The following EIF2AK1 variants were observed in gnomAD, a reference collection of about 807,000 sequenced individuals.
EIF2AK1 encodes eukaryotic translation initiation factor 2-alpha kinase 1.
In EIF2AK1, 54 loss-of-function variants were observed where a neutral mutation model predicts 77.9. The ratio of observed to expected loss-of-function variants is 0.69; its 90% confidence interval spans 0.56 to 0.87. The LOEUF is 0.87. EIF2AK1 is among the 40% of genes least tolerant of loss of function. The probability of loss-of-function intolerance (pLI) is 0.00; values close to 1 mark genes in which losing one functional copy is unlikely to be tolerated. For synonymous variants in EIF2AK1, 314 were observed against 290.5 expected (o/e 1.08, Z -0.82); for missense variants, 810 against 768.6 (o/e 1.05, Z -0.64).
rs1459148213 is a variant in EIF2AK1 at position 6,023,711 on chromosome 7, A to C, written c.*962T>G. ...AAGTGAATTGCCGTAACTGATTTTA[A>C]AGGGTTTAGATTTTAAGAATGGTGC... On this transcript the variant is annotated 3_prime_UTR_variant, in exon 15 of 15. Coordinates refer to ENST00000199389, the MANE Select transcript of EIF2AK1 (RefSeq NM_014413.4). The C allele has an allele frequency of 4.3e-6, 7 of 1,614,168 alleles. No homozygotes were observed. The highest frequency in any genetic ancestry group is 5.9e-6 in the Non-Finnish European group (7 of 1,180,036).
At chr7:6,025,658 C>T (rs759455784) in intron 14 of EIF2AK1, among the ~76,000 whole-genome samples, 5 of 152,194 alleles carry the variant, frequency 3.3e-5, no homozygotes, top group Non-Finnish European at 7.3e-5. Flanking sequence ...TATATTGAGA[C>T]GGAGTCTCGC....
chr7:6,029,113 G>T, intron 11 of EIF2AK1, 81 bp from the exon 12 acceptor site: 1 of 1,179,110 alleles, frequency 8.5e-7, no homozygotes. Flanking sequence ...TAAGTGTTTG[G>T]AACTCAGGAG....
At chr7:6,037,547 T>C (rs897291710) in intron 10 of EIF2AK1, 23 bp from the exon 11 acceptor site, 3 of 1,483,850 alleles carry the variant, frequency 2.0e-6, no homozygotes, top group African/African-American at 1.4e-5. Flanking sequence ...AAAAATAGTT[T>C]TATTTCTCTA....
chr7:6,025,322 C>A (rs747341210), intron 14 of EIF2AK1, among the ~76,000 whole-genome samples: 1 of 152,054 alleles, frequency 6.6e-6, no homozygotes, highest in Non-Finnish European at 1.5e-5. Flanking sequence ...TAGCTCACAC[C>A]GGCTAATTTT....
Position 6,049,659 on chromosome 7 carries a change from C to A in EIF2AK1, c.411+253G>T, listed in dbSNP as rs1788550249. On this transcript the variant is annotated intron_variant, in intron 3 of 14. Transcript: ENST00000199389. The stretch of plus-strand genomic sequence containing the variant: ...TTTTTTTTTTTCAGGCAGGTTCTCA[C>A]TCTGCTGCTCAGGCTGGAGTGCAGT... 5 of 240,302 alleles carry A rather than the reference C, an allele frequency of 2.1e-5. No homozygotes were observed. In the East Asian group the frequency reaches 2.7e-4, roughly 13 times the overall value. The allele number at this position is 240,302 out of a possible 1,614,324, so 14.9% of individuals were successfully genotyped here.
At chr7:6,047,141 T>G (rs1172578693) in intron 4 of EIF2AK1, 50 bp from the exon 5 acceptor site, 3 of 1,525,114 alleles carry the variant, frequency 2.0e-6, no homozygotes, top group Non-Finnish European at 2.7e-6. Context: ...AGAATCAAAA[T>G]GTTCTAGGAT....
At position 6,024,795 on chromosome 7, in the gene EIF2AK1, G is replaced by A. The variant is rs377721813; in HGVS notation, c.1771C>T (p.Leu591Phe). The change falls in exon 15 of 15, where the codon CTC (leucine) becomes TTC (phenylalanine). Residue 591 changes from leucine to phenylalanine, a missense_variant. Transcript: ENST00000199389. ...ELFQNSGNVN[L>F]TLQMKIIEQE... is the part of the protein sequence containing the mutation. ...TCTATTATCTTCATCTGTAGGGTGA[G>A]GTTAACCTGTAAGGAGAAAATATTT... 2 of 1,530,352 alleles carry A rather than the reference G, an allele frequency of 1.3e-6. No individual in the cohort carries two copies. Among genetic ancestry groups the A allele is most frequent in the African/African-American group, 2.9e-5 (2 of 70,048 alleles). 94.8% of individuals were successfully genotyped at this position (1,530,352 alleles called of 1,614,324 possible).
In EIF2AK1 at chr7:6,058,993, CG is replaced by C; in HGVS notation, c.90del (p.Ala31ProfsTer20). 1 of 1,541,188 alleles carries C rather than the reference CG, an allele frequency of 6.5e-7. No individual in the cohort carries two copies. Among genetic ancestry groups the C allele is most frequent in the Non-Finnish European group, 8.7e-7 (1 of 1,147,504 alleles). ...AVAAPPAIDF[P>X]AEGPDPEYDE... ...TCATATTCGGGGTCCGGGCCCTCGG[CG>C]GGAAAGTCGATGGCCGGCGGCGCAG... is the stretch of plus-strand genomic sequence containing the variant. On this transcript the variant is annotated frameshift_variant, in exon 1 of 15. Transcript: ENST00000199389. LOFTEE classifies it high-confidence loss of function.
intron 4 of EIF2AK1, chr7:6,047,374 A>G: frequency 2.2e-6 from 1 of 453,624 alleles, no homozygotes; most frequent in South Asian, 2.0e-5. Context: ...AAGCTCAGAA[A>G]TAAATTTACT....
At chr7:6,030,931 C>T (rs895544499) in intron 11 of EIF2AK1, among the ~76,000 whole-genome samples, 6 of 152,080 alleles carry the variant, frequency 3.9e-5, no homozygotes, top group South Asian at 2.1e-4. Context: ...ATTCCTATGC[C>T]GGAGAAAAAC....
At chr7:6,040,511 G>A (rs908063655) in intron 9 of EIF2AK1, among the ~76,000 whole-genome samples, 15 of 152,084 alleles carry the variant, frequency 9.9e-5, no homozygotes, top group Admixed American at 3.3e-4. Context: ...AGAATATCCC[G>A]AATACTGAGC....
chr7:6,049,530 G>A (rs1052289886), intron 3 of EIF2AK1, among the ~76,000 whole-genome samples: 9 of 151,966 alleles, frequency 5.9e-5, no homozygotes, highest in Non-Finnish European at 1.3e-4. Flanking sequence ...ATGACAGTGC[G>A]AGACTCTGTC....
intron 8 of EIF2AK1, among the ~76,000 whole-genome samples, chr7:6,042,575 G>C (rs779622026): frequency 1.6e-4 from 24 of 149,538 alleles, no homozygotes; most frequent in Non-Finnish European, 3.0e-4. Flanking sequence ...GACAAAGATA[G>C]CCCAGTGCAG....
At position 6,050,714 on chromosome 7, in the gene EIF2AK1, T is replaced by G. The variant is rs1053281547; in HGVS notation, c.278-669A>C. 2.6e-5 allele frequency among the ~76,000 whole-genome samples: 4 copies of G among 151,174 alleles called. No homozygotes were observed. In the East Asian group the frequency reaches 7.8e-4, roughly 30 times the overall value. ...GCCTCCCGGGTTCATGCCATTCTCC[T>G]GCCTCAGCCTCCTGAGTAGCTGCGA... On this transcript the variant is annotated intron_variant, in intron 2 of 14. Coordinates refer to ENST00000199389, the MANE Select transcript of EIF2AK1 (RefSeq NM_014413.4).
In EIF2AK1 at chr7:6,024,090, G is replaced by A; in HGVS notation, c.*583C>T. ...GGTGCGGAGTACAAAGCTTTGCAAG[G>A]GTGTGGTTTTGGAATGACGCTAAAC... On this transcript the variant is annotated 3_prime_UTR_variant, in exon 15 of 15. Transcript: ENST00000199389. 7.7e-7 allele frequency: 1 copy of A among 1,300,228 alleles called. No individual in the cohort carries two copies. The allele number at this position is 1,300,228 out of a possible 1,614,324, so 80.5% of individuals were successfully genotyped here.
chr7:6,050,893 G>A (rs923562696), intron 2 of EIF2AK1, among the ~76,000 whole-genome samples: 4 of 151,984 alleles, frequency 2.6e-5, no homozygotes, highest in South Asian at 2.1e-4. Flanking sequence ...ATGAGCCACT[G>A]CACCCGGCCT....
chr7:6,035,597 A>T lies in EIF2AK1; in HGVS notation c.1332+1827T>A. 2 of 1,551,056 alleles carry T rather than the reference A, an allele frequency of 1.3e-6. No individual in the cohort carries two copies. Among genetic ancestry groups the T allele is most frequent in the Non-Finnish European group, 1.7e-6 (2 of 1,147,088 alleles). On this transcript the variant is annotated intron_variant, in intron 11 of 14. Transcript: ENST00000199389. The surrounding 1 kb of genome is among the most constrained non-coding windows in gnomAD (Gnocchi z 5.5). ...GTCTCCGCATCTTGTGTGCGCACGG[A>T]GCTCAAGTGAACACTCAAGGGGAAA...
Position 6,041,068 on chromosome 7 carries a change from C to T in EIF2AK1, c.943G>A (p.Glu315Lys). 6.2e-7 allele frequency: 1 copy of T among 1,614,116 alleles called. No individual in the cohort carries two copies. Among genetic ancestry groups the T allele is most frequent in the African/African-American group, 1.3e-5 (1 of 75,012 alleles). Residue 315 changes from glutamate to lysine, a missense_variant, in exon 9 of 15, where the codon GAA (glutamate) becomes AAA (lysine). Physicochemically the swap from Glu to Lys is moderately conservative, Grantham distance 56 (BLOSUM62 1). This residue lies in a region of EIF2AK1 where 549 missense variants were observed against 533.7 expected (regional missense o/e 1.03). Transcript: ENST00000199389. ...VKYTTNLVIR[E>K]SGELESTLEL... ...AGGGTCGACTCAAGTTCACCAGATT[C>T]TCTTATGACTAAATTGGTGGTGTAC...
chr7:6,041,419 A>G (rs979145197), intron 8 of EIF2AK1, among the ~76,000 whole-genome samples, 200 bp from the exon 9 acceptor site: 11 of 152,132 alleles, frequency 7.2e-5, no homozygotes, highest in Admixed American at 4.6e-4. Context: ...TACGCCTGTA[A>G]TCGCAGCTAC....
Sources: allele counts gnomAD v4.1 joint callset (sites outside exome capture counted in the v4.1 genomes callset), GRCh38; gene constraint gnomAD v4.1.1; regional missense constraint gnomAD v4.1.1; non-coding constraint Gnocchi (gnomAD v3.1); transcripts MANE v1.5; gene names NCBI Gene and HGNC (gene_info 2026-07-23, HGNC 2026-07-21).